Variants in SLC25A40 observed in about 807,000 individuals in gnomAD.
The protein encoded by SLC25A40 is mitochondrial glutathione transporter SLC25A40.
Under a neutral mutation model 46.5 loss-of-function variants are expected in SLC25A40, and 41 were observed. The observed-to-expected ratio is 0.88, with a 90% CI of 0.69 to 1.14. The LOEUF is 1.14. Ranked by LOEUF, SLC25A40 falls within the 50% of genes most tolerant of loss-of-function variation. The pLI is 0.00. For missense variants in SLC25A40, 386 were observed against 393.6 expected (o/e 0.98, Z 0.16); for synonymous variants, 126 against 127.5 (o/e 0.99, Z 0.08).
chr7:87,843,711 C>A (rs772422904), intron 9 of SLC25A40, 43 bp downstream of exon 9: 10 of 1,462,186 alleles, frequency 6.8e-6, no homozygotes, highest in South Asian at 1.2e-5. Flanking sequence ...TTTAATACAA[C>A]AATTATTCTT....
chr7:87,847,487 G>A (rs1022847178), intron 7 of SLC25A40, among the ~76,000 whole-genome samples: 1 of 151,862 alleles, frequency 6.6e-6, no homozygotes, highest in Non-Finnish European at 1.5e-5. Context: ...TAGAGTCAAC[G>A]TTCCTTATGA....
At chr7:87,872,535 G>A (rs1378357085) in intron 1 of SLC25A40, among the ~76,000 whole-genome samples, 3 of 152,134 alleles carry the variant, frequency 2.0e-5, no homozygotes, top group Non-Finnish European at 2.9e-5. Context: ...TGACTGAAAG[G>A]CTTGAGCAAG....
intron 1 of SLC25A40, among the ~76,000 whole-genome samples, chr7:87,866,084 GAA>G (rs60875531): frequency 1.1e-4 from 16 of 142,790 alleles, no homozygotes; most frequent in African/African-American, 3.1e-4. Context: ...CCCTCTCTAG[GAA>G]AAAAAAAAAA....
At chr7:87,846,343 A>G (rs758701884) in intron 8 of SLC25A40, among the ~76,000 whole-genome samples, 18 of 152,142 alleles carry the variant, frequency 1.2e-4, no homozygotes, top group Non-Finnish European at 1.9e-4. Context: ...CTAGATAAGT[A>G]TTTCTTTTGG....
At chr7:87,872,582 G>GT (rs1838911109) in intron 1 of SLC25A40, among the ~76,000 whole-genome samples, 1 of 152,192 alleles carries the variant, frequency 6.6e-6, no homozygotes, top group African/African-American at 2.4e-5. Context: ...AAATTCCTCG[G>GT]TTTGATAAGA....
rs143033094 is a variant in SLC25A40 at position 87,869,236 on chromosome 7, G to A, written c.-94+6860C>T. Among the ~76,000 whole-genome samples the A allele has an allele frequency of 2.5e-3, 373 of 152,212 alleles. 1 individual carries two copies. The highest frequency in any genetic ancestry group is 8.3e-3 in the African/African-American group (345 of 41,518). Reference sequence around the variant, plus strand: ...ACCACCATTTTGGAATTGAAAACTCGCCCCTCTGGCTGGGTGTGGTGGCTC... The same window carrying A: ...ACCACCATTTTGGAATTGAAAACTCACCCCTCTGGCTGGGTGTGGTGGCTC... On this transcript the variant is annotated intron_variant, in intron 1 of 11. Coordinates refer to ENST00000341119, the MANE Select transcript of SLC25A40 (RefSeq NM_018843.4).
chr7:87,860,662 T>C (rs1207449774), intron 1 of SLC25A40, 22 bp from the exon 2 acceptor site: 2 of 152,172 alleles, frequency 1.3e-5, no homozygotes, highest in Admixed American at 6.5e-5. Context: ...AAGAAAGTAA[T>C]TGTCTTATCT....
chr7:87,859,449 A>C (rs1396833799), intron 2 of SLC25A40, among the ~76,000 whole-genome samples: 1 of 152,038 alleles, frequency 6.6e-6, no homozygotes, highest in Non-Finnish European at 1.5e-5. Context: ...CTCAAAAAAA[A>C]ATAATAATAA....
rs552747302 is a variant in SLC25A40, at chr7:87,872,958, T to C, written c.-94+3138A>G. On this transcript the variant is annotated intron_variant, in intron 1 of 11. Coordinates refer to ENST00000341119, the MANE Select transcript of SLC25A40 (RefSeq NM_018843.4). The stretch of plus-strand genomic sequence containing the variant: ...CTACAGTTCCACAGCCACTAACCAA[T>C]CCTATCCTTTCATGCACTTAGCCTG... Among the ~76,000 whole-genome samples the C allele has an allele frequency of 4.6e-5, 7 of 152,276 alleles. No individual in the cohort carries two copies. The South Asian group carries it at 1.4e-3, about 32-fold the overall frequency.
Position 87,855,352 on chromosome 7 carries a change from C to A in SLC25A40, c.157+940G>T, listed in dbSNP as rs376813312. Among the ~76,000 whole-genome samples, 3 of 152,066 alleles carry A rather than the reference C, an allele frequency of 2.0e-5. No individual in the cohort carries two copies. In the East Asian group the frequency reaches 5.8e-4, roughly 29 times the overall value. ...AAAACTAGAATTTTTTTTTAAATGTCATTCTCAATGTACATAATGCTATGC... is the reference window on the plus strand; with the variant it reads ...AAAACTAGAATTTTTTTTTAAATGTAATTCTCAATGTACATAATGCTATGC... On this transcript the variant is annotated intron_variant, in intron 4 of 11. Coordinates refer to ENST00000341119, the MANE Select transcript of SLC25A40 (RefSeq NM_018843.4).
At chr7:87,844,808 G>A (rs1271882213) in intron 8 of SLC25A40, among the ~76,000 whole-genome samples, 1 of 151,040 alleles carries the variant, frequency 6.6e-6, no homozygotes, top group Non-Finnish European at 1.5e-5. Flanking sequence ...GGGCAGTGGG[G>A]GTATACCTAT....
intron 4 of SLC25A40, among the ~76,000 whole-genome samples, chr7:87,854,981 G>A (rs1015177537): frequency 6.6e-5 from 10 of 151,918 alleles, no homozygotes; most frequent in African/African-American, 1.2e-4. Context: ...GCTACACAGT[G>A]AGCCTCCATC....
chr7:87,850,507 G>A (rs147427346), intron 5 of SLC25A40, among the ~76,000 whole-genome samples: 2 of 152,256 alleles, frequency 1.3e-5, no homozygotes, highest in East Asian at 3.9e-4. Flanking sequence ...GCATGCAGTG[G>A]CTCAGGCCTG....
intron 1 of SLC25A40, among the ~76,000 whole-genome samples, chr7:87,873,503 G>C (rs545915039): frequency 7.0e-5 from 10 of 141,900 alleles, no homozygotes; most frequent in African/African-American, 2.7e-4. Context: ...CGCAATTTCC[G>C]CTCACTGCAA....
intron 3 of SLC25A40, among the ~76,000 whole-genome samples, chr7:87,856,593 C>T (rs1838619747): frequency 6.6e-6 from 1 of 151,998 alleles, no homozygotes. Flanking sequence ...TTGTAATATT[C>T]CTACAACTAT....
chr7:87,846,275 CGT>C (rs71750540), intron 8 of SLC25A40, among the ~76,000 whole-genome samples: 7,412 of 152,094 alleles, frequency 0.049, 269 homozygotes, highest in East Asian at 0.091. Context: ...AGTGAAAGAA[CGT>C]ATTTGTGGTT....
At chr7:87,867,265 G>A (rs1463306167) in intron 1 of SLC25A40, among the ~76,000 whole-genome samples, 1 of 152,138 alleles carries the variant, frequency 6.6e-6, no homozygotes, top group Non-Finnish European at 1.5e-5. Context: ...GTAATTTTCT[G>A]TATCTTGTAG....
At chr7:87,874,153 C>A (rs545778413) in intron 1 of SLC25A40, among the ~76,000 whole-genome samples, 1 of 152,310 alleles carries the variant, frequency 6.6e-6, no homozygotes, top group South Asian at 2.1e-4. Flanking sequence ...AAATTACTAA[C>A]TATTGCATAA....
Position 87,834,393 on chromosome 7 carries a change from G to C in SLC25A40, c.*1856C>G, listed in dbSNP as rs960566279. Reference sequence around the variant, plus strand: ...TTTTGGTTGTTAGTATATTTTAAAAGTATTAATATTTCTTTTTACCTCTTA... The same window carrying C: ...TTTTGGTTGTTAGTATATTTTAAAACTATTAATATTTCTTTTTACCTCTTA... On this transcript the variant is annotated 3_prime_UTR_variant, in exon 12 of 12. Coordinates refer to ENST00000341119, the MANE Select transcript of SLC25A40 (RefSeq NM_018843.4). 1 of 150,988 alleles carries C rather than the reference G, an allele frequency of 6.6e-6. No homozygotes were observed. Among genetic ancestry groups the C allele is most frequent in the African/African-American group, 2.4e-5 (1 of 41,196 alleles). 9.4% of individuals were successfully genotyped at this position (150,988 alleles called of 1,614,324 possible).
Sources: gnomAD v4.1 joint callset for allele counts (sites outside exome capture counted in the v4.1 genomes callset) on GRCh38, gnomAD v4.1.1 for gene constraint, MANE v1.5 for transcripts, NCBI Gene and HGNC (gene_info 2026-07-23, HGNC 2026-07-21) for gene names.